Variants in LRRC69 observed in about 807,000 individuals in gnomAD.
The protein encoded by LRRC69 is leucine-rich repeat-containing protein 69.
In LRRC69, 42 loss-of-function variants were observed where a neutral mutation model predicts 37.8. The ratio of observed to expected loss-of-function variants is 1.11; its 90% confidence interval spans 0.87 to 1.44. LRRC69 has a LOEUF of 1.44. Among genes scored for constraint, LRRC69 ranks in the 40% most tolerant of loss-of-function variants. The probability of loss-of-function intolerance (pLI) is 0.00; values close to 1 mark genes in which losing one functional copy is unlikely to be tolerated. For synonymous variants in LRRC69, 141 were observed against 143.1 expected (o/e 0.99, Z 0.11); for missense variants, 357 against 401.9 (o/e 0.89, Z 0.96).
chr8:91,114,843 A>G (rs962562949), intron 1 of LRRC69, among the ~76,000 whole-genome samples: 1 of 152,070 alleles, frequency 6.6e-6, no homozygotes, highest in African/African-American at 2.4e-5. Flanking sequence ...ACATGACTGT[A>G]TATGCATTGG....
chr8:91,180,993 A>G (rs1051141810), intron 5 of LRRC69, among the ~76,000 whole-genome samples: 2 of 152,198 alleles, frequency 1.3e-5, no homozygotes. Context: ...GGAATCAGTC[A>G]AAAGCTGTTG....
chr8:91,204,401 G>T (rs1221636687), intron 7 of LRRC69, among the ~76,000 whole-genome samples: 2 of 152,236 alleles, frequency 1.3e-5, no homozygotes, highest in Non-Finnish European at 2.9e-5. Flanking sequence ...AGGTGTTGGT[G>T]AAGGAGTAAA....
intron 5 of LRRC69, among the ~76,000 whole-genome samples, 148 bp from the exon 6 acceptor site, chr8:91,189,369 ATTACT>A (rs113038123): frequency 0.021 from 3,131 of 152,254 alleles, 96 homozygotes; most frequent in African/African-American, 0.071. Flanking sequence ...GTGCCCCTAA[ATTACT>A]TTATTTAGGA....
At chr8:91,173,826 A>G (rs961407764) in intron 5 of LRRC69, among the ~76,000 whole-genome samples, 6 of 152,076 alleles carry the variant, frequency 3.9e-5, no homozygotes, top group Non-Finnish European at 7.4e-5. Context: ...CTCAACCCTC[A>G]CAAACTAATG....
intron 6 of LRRC69, among the ~76,000 whole-genome samples, chr8:91,197,227 A>T (rs2130622920): frequency 1.3e-5 from 2 of 152,240 alleles, no homozygotes; most frequent in South Asian, 4.1e-4. Context: ...GTGCTGGGAG[A>T]ACCACTGCTC....
At chr8:91,189,354 C>A (rs536840907) in intron 5 of LRRC69, among the ~76,000 whole-genome samples, 168 bp from the exon 6 acceptor site, 2 of 151,812 alleles carry the variant, frequency 1.3e-5, no homozygotes, top group African/African-American at 2.4e-5. Context: ...AGAGTATGCC[C>A]CAGTGTGCCC....
chr8:91,149,125 T>G (rs1808679966), intron 5 of LRRC69, among the ~76,000 whole-genome samples: 1 of 151,984 alleles, frequency 6.6e-6, no homozygotes, highest in Non-Finnish European at 1.5e-5. Flanking sequence ...TTGTTGCCAT[T>G]GCTTTTGGTG....
intron 5 of LRRC69, among the ~76,000 whole-genome samples, chr8:91,186,984 T>C (rs1346624776): frequency 1.3e-5 from 2 of 152,226 alleles, no homozygotes; most frequent in African/African-American, 4.8e-5. Context: ...CCAATGGAAC[T>C]TCCAGTTGGA....
chr8:91,200,061 C>T (rs1240766752), intron 6 of LRRC69, among the ~76,000 whole-genome samples: 2 of 152,072 alleles, frequency 1.3e-5, no homozygotes, highest in Non-Finnish European at 2.9e-5. Context: ...GAATTTAGAC[C>T]AGTGCTTCTC....
At chr8:91,150,643 TAGTTTCAGAAGGAATGGTACC>T (rs1195534229) in intron 5 of LRRC69, among the ~76,000 whole-genome samples, 2 of 152,016 alleles carry the variant, frequency 1.3e-5, no homozygotes, top group Non-Finnish European at 2.9e-5. Context: ...CTGATTGGAA[TAGTTTCAGAAGGAATGGTACC>T]AGCTCCTCTT....
chr8:91,123,665 A>T (rs1351390956), intron 1 of LRRC69, among the ~76,000 whole-genome samples: 1 of 151,978 alleles, frequency 6.6e-6, no homozygotes, highest in Non-Finnish European at 1.5e-5. Context: ...TTAAAATTCT[A>T]AAGTATGCAA....
chr8:91,182,376 A>C (rs906428179), intron 5 of LRRC69, among the ~76,000 whole-genome samples: 4 of 152,180 alleles, frequency 2.6e-5, no homozygotes, highest in African/African-American at 4.8e-5. Flanking sequence ...TTTAAGGGGC[A>C]TAAGATAGTT....
chr8:91,131,677 A>G (rs906247392), intron 3 of LRRC69, among the ~76,000 whole-genome samples: 2 of 151,952 alleles, frequency 1.3e-5, no homozygotes, highest in East Asian at 3.9e-4. Context: ...TTGTGGCTAC[A>G]ATATGGAGAT....
At chr8:91,211,380 G>A (rs1016322505) in intron 7 of LRRC69, among the ~76,000 whole-genome samples, 7 of 151,362 alleles carry the variant, frequency 4.6e-5, no homozygotes, top group African/African-American at 1.5e-4. Flanking sequence ...AATATTTAAA[G>A]ATTGATAAAG....
chr8:91,109,003 T>G (rs940226066), intron 1 of LRRC69, among the ~76,000 whole-genome samples: 4 of 152,034 alleles, frequency 2.6e-5, no homozygotes, highest in African/African-American at 9.7e-5. Context: ...CATCAAGCCT[T>G]TCTCTTCTCC....
At chr8:91,158,743 A>G (rs1808884105) in intron 5 of LRRC69, 2 of 913,452 alleles carry the variant, frequency 2.2e-6, no homozygotes, top group Non-Finnish European at 3.7e-6. Flanking sequence ...GAAGACACCA[A>G]GTCTGGCTGA....
At chr8:91,189,705 T>C (rs1304319851) in intron 6 of LRRC69, 82 bp downstream of exon 6, 1 of 933,840 alleles carries the variant, frequency 1.1e-6, no homozygotes, top group Non-Finnish European at 1.6e-6. Context: ...AAAACATTCT[T>C]GCCAAGCCAG....
Position 91,147,047 on chromosome 8 carries a change from C to A in LRRC69, c.651+11308C>A, listed in dbSNP as rs560903699. On this transcript the variant is annotated intron_variant, in intron 5 of 7. Transcript: ENST00000448384. ...AGTTGATTTAAGGGATTGACTATTT[C>A]TTTGTGTTCTCCAGGCTTTAATCCT... Among the ~76,000 whole-genome samples the A allele has an allele frequency of 1.7e-4, 26 of 151,450 alleles. No homozygotes were observed. The South Asian group carries it at 5.4e-3, about 31-fold the overall frequency.
intron 1 of LRRC69, among the ~76,000 whole-genome samples, chr8:91,110,603 CA>C (rs33959663): frequency 0.52 from 78,518 of 151,692 alleles, 21,024 homozygotes; most frequent in South Asian, 0.66. Context: ...CATGCCATTG[CA>C]CACCAGCCTG....
Sources: gnomAD v4.1 joint callset for allele counts (sites outside exome capture counted in the v4.1 genomes callset) on GRCh38, gnomAD v4.1.1 for gene constraint, MANE v1.5 for transcripts, NCBI Gene and HGNC (gene_info 2026-07-23, HGNC 2026-07-21) for gene names.